The following TAFA5 variants were observed in gnomAD, a reference collection of about 807,000 sequenced individuals.
The protein encoded by TAFA5 is TAFA chemokine like family member 5, also known as chemokine-like protein TAFA-5.
TAFA5 carries 6 observed loss-of-function variants against 15.3 expected under a neutral mutation model. The observed-to-expected ratio is 0.39, with a 90% CI of 0.21 to 0.77. The LOEUF is 0.77. Ranked by LOEUF, TAFA5 falls within the 30% of genes least tolerant of loss-of-function variation. TAFA5 has a pLI of 0.41. For missense variants in TAFA5, 161 were observed against 193.1 expected (o/e 0.83, Z 0.98); for synonymous variants, 103 against 80.7 (o/e 1.28, Z -1.48).
chr22:48,678,136 T>C (rs1209122641), intron 2 of TAFA5, among the ~76,000 whole-genome samples: 3 of 152,210 alleles, frequency 2.0e-5, no homozygotes, highest in Non-Finnish European at 4.4e-5. Context: ...CTCAAACCTC[T>C]TTCCTGAATT....
At chr22:48,495,415 C>A (rs946237175) in intron 1 of TAFA5, among the ~76,000 whole-genome samples, 1 of 152,134 alleles carries the variant, frequency 6.6e-6, no homozygotes, top group Non-Finnish European at 1.5e-5. Flanking sequence ...TGGGCTAGGC[C>A]CCTGTGTTCT....
At chr22:48,640,128 C>CGGCTCTTT (rs1569059826) in intron 1 of TAFA5, among the ~76,000 whole-genome samples, 2 of 152,220 alleles carry the variant, frequency 1.3e-5, no homozygotes, top group African/African-American at 4.8e-5. Context: ...CCAGGCTCTT[C>CGGCTCTTT]GGCTCTTTGG....
At chr22:48,682,983 G>A (rs1260766404) in intron 2 of TAFA5, among the ~76,000 whole-genome samples, 1 of 152,138 alleles carries the variant, frequency 6.6e-6, no homozygotes, top group African/African-American at 2.4e-5. Flanking sequence ...ACAGCAGATT[G>A]TTTTTTAGAA....
intron 2 of TAFA5, among the ~76,000 whole-genome samples, chr22:48,647,116 T>G (rs1169377747): frequency 6.6e-6 from 1 of 152,174 alleles, no homozygotes; most frequent in East Asian, 1.9e-4. Flanking sequence ...TTCCATCGTC[T>G]GCGTGTGGTC....
chr22:48,619,898 G>T (rs920666468), intron 1 of TAFA5, among the ~76,000 whole-genome samples: 2 of 152,200 alleles, frequency 1.3e-5, no homozygotes, highest in Admixed American at 6.5e-5. Flanking sequence ...AGCTTCCTGC[G>T]CTCCCTGAAA....
Position 48,519,280 on chromosome 22 carries a change from G to T in TAFA5, c.112+29576G>T, listed in dbSNP as rs114513614. ...CATTACATATTTGTAGGAGATAGAG[G>T]CTCCAAGAATCCCGCGTCTTCCCTT... is the stretch of plus-strand genomic sequence containing the variant. On this transcript the variant is annotated intron_variant, in intron 1 of 3. Coordinates refer to ENST00000402357, the MANE Select transcript of TAFA5 (RefSeq NM_001082967.3). Among the ~76,000 whole-genome samples, 748 of 152,346 alleles carry T rather than the reference G, an allele frequency of 4.9e-3. 5 individuals are homozygous for T. Among genetic ancestry groups the T allele is most frequent in the African/African-American group, 0.017 (705 of 41,572 alleles).
intron 1 of TAFA5, among the ~76,000 whole-genome samples, chr22:48,497,382 C>G (rs558391089): frequency 1.3e-5 from 2 of 152,114 alleles, no homozygotes; most frequent in African/African-American, 4.8e-5. Flanking sequence ...TTTCTGCACT[C>G]GTAGAACAGC....
intron 1 of TAFA5, chr22:48,576,451 C>A: frequency 7.2e-7 from 1 of 1,380,980 alleles, no homozygotes; most frequent in East Asian, 3.0e-5. Flanking sequence ...TGCGCGACTT[C>A]GGGGGCGTCG....
chr22:48,704,502 C>G (rs1929018307), intron 2 of TAFA5, among the ~76,000 whole-genome samples: 1 of 152,084 alleles, frequency 6.6e-6, no homozygotes, highest in South Asian at 2.1e-4. Flanking sequence ...GGCGCCATCC[C>G]CTCTCTCAGC....
chr22:48,721,041 G>C (rs1192936795), intron 3 of TAFA5, among the ~76,000 whole-genome samples: 1 of 152,196 alleles, frequency 6.6e-6, no homozygotes, highest in Non-Finnish European at 1.5e-5. Context: ...ACTGTCCCCT[G>C]CTGGGCCAGG....
chr22:48,544,789 G>C (rs530832776), intron 1 of TAFA5: 65 of 471,254 alleles, frequency 1.4e-4, no homozygotes, highest in African/African-American at 1.1e-3. Context: ...CTGTTACCAC[G>C]ATCTAGGCGA....
chr22:48,740,777 G>A (rs1367286739), intron 3 of TAFA5, among the ~76,000 whole-genome samples: 1 of 152,168 alleles, frequency 6.6e-6, no homozygotes, highest in Non-Finnish European at 1.5e-5. Context: ...GCCTCGCAGG[G>A]TCTGCAGGCA....
Position 48,542,242 on chromosome 22 carries a change from G to A in TAFA5, c.112+52538G>A, listed in dbSNP as rs202067287. 1.2e-4 allele frequency among the ~76,000 whole-genome samples: 17 copies of A among 143,670 alleles called. No individual in the cohort carries two copies. The East Asian group carries it at 3.8e-3, about 32-fold the overall frequency. The allele number at this position is 143,670 out of a possible 152,430, so 94.3% of individuals were successfully genotyped here. Reference sequence around the variant, plus strand: ...TGTGGTGTGTGTGCTGTGTGTGTGTGCATATGTGTGTGTATGTGTGTGTGG... The same window carrying A: ...TGTGGTGTGTGTGCTGTGTGTGTGTACATATGTGTGTGTATGTGTGTGTGG... On this transcript the variant is annotated intron_variant, in intron 1 of 3. Coordinates refer to ENST00000402357, the MANE Select transcript of TAFA5 (RefSeq NM_001082967.3).
At chr22:48,733,501 C>T (rs1485163691) in intron 3 of TAFA5, among the ~76,000 whole-genome samples, 4 of 152,210 alleles carry the variant, frequency 2.6e-5, no homozygotes, top group East Asian at 1.9e-4. Context: ...TTGGACGTTC[C>T]GGCAAATGCA....
chr22:48,489,670 C>T lies in TAFA5; in HGVS notation c.78C>T (p.Phe26=), dbSNP rs1413488898. The change falls in exon 1 of 4, where the codon TTC becomes TTT. Residue 26 remains phenylalanine, a synonymous_variant. Coordinates refer to ENST00000402357, the MANE Select transcript of TAFA5 (RefSeq NM_001082967.3). The surrounding 1 kb of genome is among the most constrained non-coding windows in gnomAD (Gnocchi z 5.5). ...LPSMSSTFWA[F]MILASLLIAY... is the part of the protein sequence containing the mutation. The stretch of plus-strand genomic sequence containing the variant: ...GCATGTCCTCAACTTTCTGGGCGTT[C>T]ATGATCCTGGCCAGCCTGCTCATCG... 1 of 1,530,646 alleles carries T rather than the reference C, an allele frequency of 6.5e-7. No homozygotes were observed. Among genetic ancestry groups the T allele is most frequent in the Non-Finnish European group, 8.8e-7 (1 of 1,139,068 alleles). 94.8% of individuals were successfully genotyped at this position (1,530,646 alleles called of 1,614,324 possible).
At chr22:48,733,245 A>C (rs1255695792) in intron 3 of TAFA5, among the ~76,000 whole-genome samples, 1 of 152,252 alleles carries the variant, frequency 6.6e-6, no homozygotes, top group Admixed American at 6.5e-5. Context: ...TACTCATTAC[A>C]AAACAAATCA....
chr22:48,720,925 C>T (rs1348411911), intron 3 of TAFA5, among the ~76,000 whole-genome samples: 1 of 152,210 alleles, frequency 6.6e-6, no homozygotes, highest in African/African-American at 2.4e-5. Context: ...AGAATAGGCA[C>T]TTCTTGTTCC....
Position 48,707,813 on chromosome 22 carries a change from C to A in TAFA5, c.359C>A (p.Thr120Lys). 6.2e-7 allele frequency: 1 copy of A among 1,613,744 alleles called. No homozygotes were observed. Reference sequence around the variant, plus strand: ...ATCAACCGGTCAGGCTGGACGTGCACGCAGCCCGGCGGGAGGATAAAGACC... The same window carrying A: ...ATCAACCGGTCAGGCTGGACGTGCAAGCAGCCCGGCGGGAGGATAAAGACC... The part of the protein sequence containing the change: ...LLINRSGWTC[T>K]QPGGRIKTTT... Residue 120 changes from threonine (T) to lysine (K), a missense_variant, in exon 3 of 4, where the codon ACG becomes AAG. Physicochemically the swap from Thr to Lys is moderately conservative, Grantham distance 78. Coordinates refer to ENST00000402357, the MANE Select transcript of TAFA5 (RefSeq NM_001082967.3).
chr22:48,650,865 G>A (rs950889747), intron 2 of TAFA5, among the ~76,000 whole-genome samples: 1 of 152,130 alleles, frequency 6.6e-6, no homozygotes, highest in African/African-American at 2.4e-5. Context: ...TGGCGGGCTG[G>A]CCAGGCCCTG....
Sources: gnomAD v4.1 joint callset for allele counts (sites outside exome capture counted in the v4.1 genomes callset) on GRCh38, gnomAD v4.1.1 for gene constraint, Gnocchi (gnomAD v3.1) non-coding constraint, MANE v1.5 for transcripts, NCBI Gene and HGNC (gene_info 2026-07-23, HGNC 2026-07-21) for gene names.